SYN2: variants seen among roughly 807,000 people sequenced by gnomAD.
SYN2 encodes synapsin-2.
A neutral mutation model predicts 50.9 loss-of-function variants in SYN2; 19 were observed. The ratio of observed to expected loss-of-function variants is 0.37; its 90% CI spans 0.26 to 0.55. The LOEUF is 0.55. Ranked by LOEUF, SYN2 falls within the 20% of genes least tolerant of loss-of-function variation. SYN2 has a pLI of 0.81. For missense variants in SYN2, 587 were observed against 576.4 expected (o/e 1.02, Z -0.19); for synonymous variants, 255 against 224.9 (o/e 1.13, Z -1.20).
intron 1 of SYN2, among the ~76,000 whole-genome samples, chr3:12,050,135 A>G (rs991229120): frequency 6.6e-6 from 1 of 152,066 alleles, no homozygotes; most frequent in Non-Finnish European, 1.5e-5. Context: ...TCATGACCTC[A>G]GGCGATTCAC....
At chr3:12,179,198 C>T (rs969272102) in intron 10 of SYN2, among the ~76,000 whole-genome samples, 7 of 151,790 alleles carry the variant, frequency 4.6e-5, no homozygotes, top group South Asian at 2.1e-4. Flanking sequence ...TTGATGGAAG[C>T]GGCACACTCT....
intron 4 of SYN2, among the ~76,000 whole-genome samples, chr3:12,150,816 G>T (rs1020798314): frequency 5.3e-5 from 8 of 152,092 alleles, no homozygotes; most frequent in Non-Finnish European, 1.0e-4. Flanking sequence ...CCAAGACTTG[G>T]CCCATGTCAC....
chr3:12,156,886 G>T, intron 5 of SYN2: 1 of 1,614,114 alleles, frequency 6.2e-7, no homozygotes, highest in South Asian at 1.1e-5. Flanking sequence ...GAGTCAAAAG[G>T]CGTATAGATA....
chr3:12,014,237 T>C (rs1274191887), intron 1 of SYN2, among the ~76,000 whole-genome samples: 2 of 152,142 alleles, frequency 1.3e-5, no homozygotes, highest in African/African-American at 4.8e-5. Context: ...GACACATAGA[T>C]TGAGGACAGT....
intron 1 of SYN2, among the ~76,000 whole-genome samples, chr3:12,005,774 T>C (rs977516021): frequency 3.3e-5 from 5 of 151,908 alleles, no homozygotes; most frequent in Non-Finnish European, 7.4e-5. Flanking sequence ...TTTTTTCTTC[T>C]AAAGAGATAG....
intron 1 of SYN2, among the ~76,000 whole-genome samples, chr3:12,115,740 G>A (rs1696419254): frequency 6.6e-6 from 1 of 151,986 alleles, no homozygotes; most frequent in African/African-American, 2.4e-5. Context: ...ATTATGTTTT[G>A]GGAGTGCTGT....
chr3:12,033,325 C>T (rs988783369), intron 1 of SYN2, among the ~76,000 whole-genome samples: 9 of 152,316 alleles, frequency 5.9e-5, no homozygotes, highest in Admixed American at 1.3e-4. Context: ...TTCTGCGTTG[C>T]TCACGCTGGG....
intron 3 of SYN2, among the ~76,000 whole-genome samples, chr3:12,143,846 C>G (rs1281373189): frequency 6.6e-6 from 1 of 152,096 alleles, no homozygotes; most frequent in Non-Finnish European, 1.5e-5. Flanking sequence ...ACTTTTAGTT[C>G]TTTGAGAAAT....
At chr3:12,080,118 T>G (rs1361852035) in intron 1 of SYN2, among the ~76,000 whole-genome samples, 1 of 152,048 alleles carries the variant, frequency 6.6e-6, no homozygotes, top group Non-Finnish European at 1.5e-5. Context: ...CTCTGATGGT[T>G]GTTTGTATTT....
intron 1 of SYN2, among the ~76,000 whole-genome samples, chr3:12,016,991 A>T (rs934285352): frequency 6.6e-6 from 1 of 152,268 alleles, no homozygotes; most frequent in South Asian, 2.1e-4. Flanking sequence ...ATATAGTCAA[A>T]CAATATCACA....
At chr3:12,096,070 A>T (rs1165986819) in intron 1 of SYN2, among the ~76,000 whole-genome samples, 1 of 152,166 alleles carries the variant, frequency 6.6e-6, no homozygotes, top group Non-Finnish European at 1.5e-5. Context: ...GTCACTTTTG[A>T]TACCTTCCCC....
At position 12,145,698 on chromosome 3, in the gene SYN2, G is replaced by T. The variant is rs548591048; in HGVS notation, c.547G>T (p.Val183Leu). 5.0e-6 allele frequency: 8 copies of T among 1,613,986 alleles called. No homozygotes were observed. In the East Asian group the frequency reaches 8.9e-5, roughly 18 times the overall value. ...KVVRSFRPDF[V>L]LIRQHAFGMA... ...CACCAGGTCCTTCCGGCCAGACTTC[G>T]TGCTCATCCGGCAGCATGCATTTGG... The change falls in exon 4 of 13, where the codon GTG becomes TTG. Residue 183 changes from valine to leucine, a missense_variant. Coordinates refer to ENST00000621198, the MANE Select transcript of SYN2 (RefSeq NM_133625.6).
intron 11 of SYN2, chr3:12,184,454 C>G (rs1372271930): frequency 3.0e-6 from 3 of 985,904 alleles, no homozygotes; most frequent in African/African-American, 1.7e-5. Context: ...TTTGTCCATT[C>G]TGCTCTTGGC....
intron 1 of SYN2, chr3:12,071,343 G>A (rs1287372953): frequency 1.6e-5 from 9 of 570,218 alleles, no homozygotes; most frequent in South Asian, 2.8e-5. Context: ...CCCCTCCATC[G>A]TCCACCGCAA....
intron 1 of SYN2, among the ~76,000 whole-genome samples, chr3:12,073,038 C>T (rs1237137961): frequency 6.6e-6 from 1 of 152,136 alleles, no homozygotes; most frequent in Admixed American, 6.5e-5. Flanking sequence ...TTTTCTTAAA[C>T]AACTTAGAAA....
intron 10 of SYN2, among the ~76,000 whole-genome samples, chr3:12,178,787 T>C (rs993104063): frequency 1.3e-5 from 2 of 152,274 alleles, no homozygotes; most frequent in East Asian, 1.9e-4. Flanking sequence ...CTCTTTAGTT[T>C]AAGCCTAACA....
intron 1 of SYN2, among the ~76,000 whole-genome samples, chr3:12,123,497 G>A (rs1218904256): frequency 1.3e-5 from 2 of 152,228 alleles, no homozygotes; most frequent in African/African-American, 4.8e-5. Flanking sequence ...AGCTGGGTAT[G>A]GTGGCATGCC....
chr3:12,121,406 A>G (rs1034960050), intron 1 of SYN2, among the ~76,000 whole-genome samples: 7 of 152,150 alleles, frequency 4.6e-5, no homozygotes, highest in Admixed American at 3.3e-4. Context: ...TGCTATTGTA[A>G]TGTTTTGAGT....
At chr3:12,083,441 A>G (rs901436228) in intron 1 of SYN2, among the ~76,000 whole-genome samples, 6 of 152,160 alleles carry the variant, frequency 3.9e-5, no homozygotes, top group African/African-American at 9.7e-5. Context: ...TTAGCTTCCT[A>G]CCTAGGGTTG....
Sources: allele counts gnomAD v4.1 joint callset (sites outside exome capture counted in the v4.1 genomes callset), GRCh38; gene constraint gnomAD v4.1.1; transcripts MANE v1.5; gene names NCBI Gene and HGNC (gene_info 2026-07-23, HGNC 2026-07-21).